Variants in TNK1 observed in about 807,000 individuals in gnomAD.
TNK1 encodes the protein tyrosine kinase non receptor 1.
Under a neutral mutation model 65.2 loss-of-function variants are expected in TNK1, and 53 were observed. The observed-to-expected ratio is 0.81, with a 90% confidence interval of 0.65 to 1.02. The LOEUF (loss-of-function observed/expected upper bound fraction) is 1.02, where lower values mean the gene tolerates loss of function less well. Among genes scored for constraint, TNK1 ranks in the 50% least tolerant of loss-of-function variants. The pLI is 0.00. For synonymous variants in TNK1, 353 were observed against 364.6 expected (o/e 0.97, Z 0.36); for missense variants, 837 against 878.4 (o/e 0.95, Z 0.60).
In TNK1 at chr17:7,383,321, G is replaced by A; in HGVS notation, c.234+1G>A. 6.2e-7 allele frequency: 1 copy of A among 1,614,036 alleles called. No homozygotes were observed. The highest frequency in any genetic ancestry group is 1.1e-5 in the South Asian group (1 of 91,090). Reference sequence around the variant, plus strand: ...TAAGTCTAAGAACTGGGTCTACAAGGTGTGTGTTGTAGGTGGGCAGCTTGG... The same window carrying A: ...TAAGTCTAAGAACTGGGTCTACAAGATGTGTGTTGTAGGTGGGCAGCTTGG... On this transcript the variant is annotated splice_donor_variant, in intron 3 of 12. Coordinates refer to ENST00000688331, the MANE Select transcript of TNK1 (RefSeq NM_003985.6). LOFTEE classifies it high-confidence loss of function.
rs763494910 is a variant in TNK1 at position 7,388,636 on chromosome 17, GCCCGTAAAGCCGCTGC to G, written c.1711_1726del (p.Arg571SerfsTer20). 1 of 1,613,972 alleles carries G rather than the reference GCCCGTAAAGCCGCTGC, an allele frequency of 6.2e-7. No homozygotes were observed. The highest frequency in any genetic ancestry group is 8.5e-7 in the Non-Finnish European group (1 of 1,179,888). On this transcript the variant is annotated frameshift_variant, in exon 11 of 13. Coordinates refer to ENST00000688331, the MANE Select transcript of TNK1 (RefSeq NM_003985.6). LOFTEE classifies it high-confidence loss of function. The surrounding 1 kb of genome is among the most constrained non-coding windows in gnomAD (Gnocchi z 4.5). ...CAATCACCCCATGGGAATGCCTGGA[GCCCGTAAAGCCGCTGC>G]CCTCTCTGGAGGCCTCTTGTCCGAT...
Position 7,383,027 on chromosome 17 carries a change from G to A in TNK1, c.101G>A (p.Arg34Gln), listed in dbSNP as rs374753488. The change falls in exon 2 of 13, where the codon CGG becomes CAG. Residue 34 changes from arginine to glutamine, a missense_variant. Transcript: ENST00000688331. ...ATCCTTGAGGAGCTTAATGTCACTCGGCCAGAGCACTTCGACTTTGTAAAG... is the reference window on the plus strand; with the variant it reads ...ATCCTTGAGGAGCTTAATGTCACTCAGCCAGAGCACTTCGACTTTGTAAAG... The part of the protein sequence containing the change: ...WPILEELNVT[R>Q]PEHFDFVKPE... 1.1e-5 allele frequency: 18 copies of A among 1,613,980 alleles called. No homozygotes were observed. Among genetic ancestry groups the A allele is most frequent in the Middle Eastern group, 1.7e-4 (1 of 6,060 alleles).
At chr17:7,386,450 TG>T in intron 7 of TNK1, 110 bp from the exon 8 acceptor site, 1 of 804,592 alleles carries the variant, frequency 1.2e-6, no homozygotes, top group Non-Finnish European at 2.0e-6. Flanking sequence ...AGTCCCACCC[TG>T]GGCCCAGCAC....
rs1905420657 is a variant in TNK1 at position 7,389,153 on chromosome 17, C to T, written c.*69C>T. ...CCCCTGAGGGCCTGGCCACATGGGA[C>T]CAAGCGGAACCAGAACAAGGTCCCG... On this transcript the variant is annotated 3_prime_UTR_variant, in exon 13 of 13. Coordinates refer to ENST00000688331, the MANE Select transcript of TNK1 (RefSeq NM_003985.6). 1.6e-6 allele frequency: 2 copies of T among 1,249,236 alleles called. No homozygotes were observed. Among genetic ancestry groups the T allele is most frequent in the Non-Finnish European group, 2.3e-6 (2 of 883,524 alleles). The allele number at this position is 1,249,236 out of a possible 1,614,324, so 77.4% of individuals were successfully genotyped here.
chr17:7,386,485 C>T (rs1227562400), intron 7 of TNK1, 76 bp from the exon 8 acceptor site: 1 of 1,178,464 alleles, frequency 8.5e-7, no homozygotes, highest in Non-Finnish European at 1.2e-6. Context: ...AGCGGAGCTC[C>T]TCTTTATTCC....
intron 1 of TNK1, among the ~76,000 whole-genome samples, chr17:7,381,779 T>C (rs1431771336): frequency 2.0e-5 from 3 of 152,222 alleles, no homozygotes; most frequent in African/African-American, 4.8e-5. Context: ...GTGCACACTG[T>C]ACCTCGATGT....
rs1351556747 is a variant in TNK1 at position 7,383,141 on chromosome 17, T to A, written c.163+52T>A. 14 of 1,611,954 alleles carry A rather than the reference T, an allele frequency of 8.7e-6. No homozygotes were observed. In the African/African-American group the frequency reaches 1.9e-4, roughly 22 times the overall value. On this transcript the variant is annotated intron_variant, in intron 2 of 12. Transcript: ENST00000688331. ...GGTCTCTCTGTCCACAGCCTATCAGTTGCCTTCCCCCACCACAACCCTCTT... is the reference window on the plus strand; with the variant it reads ...GGTCTCTCTGTCCACAGCCTATCAGATGCCTTCCCCCACCACAACCCTCTT...
At chr17:7,385,818 G>T (rs546657761) in intron 7 of TNK1, among the ~76,000 whole-genome samples, 1 of 152,284 alleles carries the variant, frequency 6.6e-6, no homozygotes, top group Non-Finnish European at 1.5e-5. Flanking sequence ...ACCTGCCTTG[G>T]CCTCCCAAAG....
At chr17:7,380,254 G>A (rs1904726425), upstream of TNK1, among the ~76,000 whole-genome samples, 1 of 152,208 alleles carries the variant, frequency 6.6e-6, no homozygotes, top group African/African-American at 2.4e-5. Context: ...CAGCTGCTAT[G>A]TTCACGCGTC....
rs781562441 is a variant in TNK1 at position 7,387,014 on chromosome 17, C to A, written c.1257C>A (p.Gly419=). The change falls in exon 9 of 13, where the codon GGC becomes GGA. Residue 419 remains glycine (G), a synonymous_variant. Coordinates refer to ENST00000688331, the MANE Select transcript of TNK1 (RefSeq NM_003985.6). The stretch of plus-strand genomic sequence containing the variant: ...GCCCCGACTCCACAATCTGGAAGGG[C>A]CAGAATGGTCGCACCTTCAAAGTGG... The part of the protein sequence containing the change: ...EGSPDSTIWK[G]QNGRTFKVGS... 3.8e-6 allele frequency: 6 copies of A among 1,586,972 alleles called. No individual in the cohort carries two copies.
intron 6 of TNK1, 99 bp from the exon 7 acceptor site, chr17:7,384,385 G>A (rs1905051405): frequency 1.4e-6 from 2 of 1,442,748 alleles, no homozygotes; most frequent in Non-Finnish European, 1.8e-6. Flanking sequence ...AGGCAAAGAG[G>A]ACTTTTGTGA....
At chr17:7,385,378 AG>A (rs61009317) in intron 7 of TNK1, among the ~76,000 whole-genome samples, 15,175 of 125,970 alleles carry the variant, frequency 0.12, 1,014 homozygotes, top group East Asian at 0.3. Flanking sequence ...AAAAAAAAAA[AG>A]AAGAAGAAGA....
rs757760355 is a variant in TNK1, at chr17:7,388,727, T to A, written c.1776+23T>A. On this transcript the variant is annotated intron_variant, in intron 11 of 12. Transcript: ENST00000688331. The surrounding 1 kb of genome is among the most constrained non-coding windows in gnomAD (Gnocchi z 4.5). ...GAGGTGAGGTCTCACTGAAATGGCC[T>A]GGTGTCCAGAAGGGGCTACAGGCAG... The A allele has an allele frequency of 6.2e-7, 1 of 1,608,778 alleles. No individual in the cohort carries two copies. Among genetic ancestry groups the A allele is most frequent in the South Asian group, 1.1e-5 (1 of 90,364 alleles).
At chr17:7,387,321 T>A in intron 9 of TNK1, 57 bp from the exon 10 acceptor site, 3 of 1,557,790 alleles carry the variant, frequency 1.9e-6, no homozygotes, top group Non-Finnish European at 2.6e-6. Context: ...GAGGGTATAT[T>A]GATCTGTGGG....
In TNK1 at chr17:7,382,931, T is replaced by C; in HGVS notation, c.5T>C (p.Leu2Pro). The C allele has an allele frequency of 1.9e-6, 3 of 1,613,946 alleles. No individual in the cohort carries two copies. Among genetic ancestry groups the C allele is most frequent in the Non-Finnish European group, 2.5e-6 (3 of 1,179,846 alleles). Residue 2 changes from leucine (L) to proline (P), a missense_variant, in exon 2 of 13, where the codon CTT becomes CCT. Coordinates refer to ENST00000688331, the MANE Select transcript of TNK1 (RefSeq NM_003985.6). This position sits in a 1 kb window ranked among gnomAD's most constrained non-coding sequence, Gnocchi z 4.1. ...TTAGGAACTCCTTCTCCAGACATGC[T>C]TCCTGAGGCTGGCTCCCTGTGGCTA... M[L>P]PEAGSLWLLK...
chr17:7,383,129 A>G (rs1844246114), intron 2 of TNK1, 40 bp downstream of exon 2: 1 of 1,612,934 alleles, frequency 6.2e-7, no homozygotes, highest in Non-Finnish European at 8.5e-7. Flanking sequence ...CTCTCTGTCC[A>G]CAGCCTATCA....
intron 9 of TNK1, 32 bp downstream of exon 9, chr17:7,387,186 G>A: frequency 1.3e-6 from 2 of 1,543,848 alleles, no homozygotes; most frequent in Non-Finnish European, 1.7e-6. Flanking sequence ...GGCAGGGGTT[G>A]GCTGGGAGAA....
At chr17:7,385,982 T>A (rs1486590627) in intron 7 of TNK1, among the ~76,000 whole-genome samples, 1 of 152,208 alleles carries the variant, frequency 6.6e-6, no homozygotes, top group African/African-American at 2.4e-5. Flanking sequence ...CCAGTCAGTT[T>A]GACTTCAGAG....
At position 7,387,097 on chromosome 17, in the gene TNK1, G is replaced by A. The variant is rs748824487; in HGVS notation, c.1340G>A (p.Arg447His). 38 of 1,612,256 alleles carry A rather than the reference G, an allele frequency of 2.4e-5. No homozygotes were observed. Among genetic ancestry groups the A allele is most frequent in the African/African-American group, 2.7e-5 (2 of 74,902 alleles). Residue 447 changes from arginine to histidine, a missense_variant, in exon 9 of 13, where the codon CGT becomes CAT. Physicochemically the swap from Arg to His is conservative, Grantham distance 29 (BLOSUM62 0). Transcript: ENST00000688331. ...GATGCGGGGGGCTTGCCAGCCACCC[G>A]TCCAGTCCACAGAGGCACCCCTGCC... is the stretch of plus-strand genomic sequence containing the variant. ...LADAGGLPAT[R>H]PVHRGTPARG...
Sources: gnomAD v4.1 joint callset for allele counts (sites outside exome capture counted in the v4.1 genomes callset) on GRCh38, gnomAD v4.1.1 for gene constraint, Gnocchi (gnomAD v3.1) non-coding constraint, MANE v1.5 for transcripts, NCBI Gene and HGNC (gene_info 2026-07-23, HGNC 2026-07-21) for gene names.